Variants in FAM177A1 observed in about 807,000 individuals in gnomAD.
The protein encoded by FAM177A1 is family with sequence similarity 177 member A1.
FAM177A1 carries 22 observed loss-of-function variants against 26.1 expected under a neutral mutation model. The ratio of observed to expected loss-of-function variants is 0.84; its 90% CI spans 0.60 to 1.20. The LOEUF (loss-of-function observed/expected upper bound fraction) is 1.20, where lower values mean the gene tolerates loss of function less well. FAM177A1 is among the 50% of genes most tolerant of loss of function. FAM177A1 has a pLI of 0.00. For synonymous variants in FAM177A1, 95 were observed against 99.3 expected, an observed-to-expected ratio of 0.96 and a Z score of 0.26; for missense variants, 296 against 291.1, an observed-to-expected ratio of 1.02 and a Z score of -0.12.
Position 35,046,506 on chromosome 14 carries a change from G to T in FAM177A1, c.43G>T (p.Ala15Ser). ...LPAITLFLTS[A>S]SSPVVATTMD... ...GGCCATTACCCTCTTTCTCACCAGC[G>T]CCAGCAGCCCTGTGGTGGCGACGAC... The change falls in exon 1 of 5, where the codon GCC (alanine) becomes TCC (serine). Residue 15 changes from alanine to serine, a missense_variant. Ala to Ser is a moderately conservative substitution (Grantham distance 99). Transcript: ENST00000280987. 15 of 1,601,870 alleles carry T rather than the reference G, an allele frequency of 9.4e-6. No individual in the cohort carries two copies. Among genetic ancestry groups the T allele is most frequent in the Non-Finnish European group, 1.3e-5 (15 of 1,175,722 alleles).
chr14:35,047,238 A>T (rs1298804733), intron 1 of FAM177A1, among the ~76,000 whole-genome samples: 1 of 152,268 alleles, frequency 6.6e-6, no homozygotes, highest in South Asian at 2.1e-4. Flanking sequence ...TTTTAATAGC[A>T]TATCTTATTT....
At chr14:35,054,291 T>C (rs776055093) in intron 2 of FAM177A1, among the ~76,000 whole-genome samples, 11 of 152,230 alleles carry the variant, frequency 7.2e-5, no homozygotes, top group Admixed American at 2.6e-4. Context: ...CTGAACTTTG[T>C]GTGCCTTATC....
Position 35,075,602 on chromosome 14 carries a change from A to G in FAM177A1, c.340-1548A>G, listed in dbSNP as rs866329579. On this transcript the variant is annotated intron_variant, in intron 2 of 4. Coordinates refer to ENST00000280987, the MANE Select transcript of FAM177A1 (RefSeq NM_173607.5). Reference sequence around the variant, plus strand: ...ACAAAAGCCAAAATTGACAAATGGGATCTAATTAAACTAAAGAGCTTCTGC... The same window carrying G: ...ACAAAAGCCAAAATTGACAAATGGGGTCTAATTAAACTAAAGAGCTTCTGC... 6.7e-4 allele frequency among the ~76,000 whole-genome samples: 102 copies of G among 152,328 alleles called. 1 individual carries two copies. Among genetic ancestry groups the G allele is most frequent in the African/African-American group, 2.3e-3 (95 of 41,560 alleles).
rs533460867 is a variant in FAM177A1 at position 35,056,337 on chromosome 14, CTATTTTT to C, written c.339+2902_339+2908del. 4.1e-4 allele frequency among the ~76,000 whole-genome samples: 62 copies of C among 151,050 alleles called. 1 individual carries two copies. The South Asian group carries it at 0.011, about 27-fold the overall frequency. On this transcript the variant is annotated intron_variant, in intron 2 of 4. Transcript: ENST00000280987. The stretch of plus-strand genomic sequence containing the variant: ...GGCGTGAGCCACTGCGCCCAGGCAA[CTATTTTT>C]TATTTTTTATTTTTTTATTTTTATT...
intron 1 of FAM177A1, 50 bp downstream of exon 1, chr14:35,046,678 G>C: frequency 6.7e-7 from 1 of 1,493,354 alleles, no homozygotes; most frequent in East Asian, 2.7e-5. Context: ...CCGCCTCCTT[G>C]CCTTCTCCGC....
intron 2 of FAM177A1, among the ~76,000 whole-genome samples, chr14:35,057,673 C>T (rs1250588174): frequency 6.6e-6 from 1 of 152,132 alleles, no homozygotes; most frequent in East Asian, 1.9e-4. Flanking sequence ...AGCCACTGCG[C>T]CCAGCCTATA....
At chr14:35,077,637 C>T (rs1021876820) in intron 3 of FAM177A1, among the ~76,000 whole-genome samples, 13 of 151,808 alleles carry the variant, frequency 8.6e-5, no homozygotes, top group Non-Finnish European at 1.6e-4. Context: ...CGCCCGCCAC[C>T]GCGCCCGGCT....
At chr14:35,054,598 A>G (rs1187187924) in intron 2 of FAM177A1, 3 of 152,204 alleles carry the variant, frequency 2.0e-5, no homozygotes, top group East Asian at 3.8e-4. Flanking sequence ...AAAATTAAGC[A>G]TAGTTACAGA....
intron 2 of FAM177A1, among the ~76,000 whole-genome samples, chr14:35,074,810 G>A (rs767270408): frequency 6.6e-6 from 1 of 151,974 alleles, no homozygotes; most frequent in African/African-American, 2.4e-5. Flanking sequence ...GGGAGGCTGA[G>A]GTGGGTGGAT....
At chr14:35,058,705 T>C (rs2045101068) in intron 2 of FAM177A1, among the ~76,000 whole-genome samples, 2 of 152,054 alleles carry the variant, frequency 1.3e-5, no homozygotes, top group Non-Finnish European at 2.9e-5. Context: ...TGAGACCTTG[T>C]CTCTACAAAA....
chr14:35,048,064 C>G (rs2044902165), intron 1 of FAM177A1, among the ~76,000 whole-genome samples: 1 of 152,162 alleles, frequency 6.6e-6, no homozygotes, highest in Non-Finnish European at 1.5e-5. Context: ...ATACCAAACT[C>G]TATATGGAAT....
rs985368882 is a variant in FAM177A1, at chr14:35,083,302, G to GT, written c.*2077dup. ...ACTTGTCCAATAGTGGCTAGTTTAT[G>GT]TTTATCAATATAGTTATTCACTGTG... On this transcript the variant is annotated 3_prime_UTR_variant, in exon 5 of 5. Coordinates refer to ENST00000280987, the MANE Select transcript of FAM177A1 (RefSeq NM_173607.5). The GT allele has an allele frequency of 2.0e-5, 3 of 152,608 alleles. No homozygotes were observed. The highest frequency in any genetic ancestry group is 7.2e-5 in the African/African-American group (3 of 41,444). The allele number at this position is 152,608 out of a possible 1,614,324, so 9.5% of individuals were successfully genotyped here.
At chr14:35,053,645 G>C (rs1360104223) in intron 2 of FAM177A1, among the ~76,000 whole-genome samples, 194 bp downstream of exon 2, 6 of 152,098 alleles carry the variant, frequency 3.9e-5, no homozygotes, top group Non-Finnish European at 5.9e-5. Flanking sequence ...CATTTCAGTA[G>C]CCTGAAACAG....
At position 35,077,202 on chromosome 14, in the gene FAM177A1, C is replaced by G. The variant is rs2045409429; in HGVS notation, c.392C>G (p.Thr131Arg). 1.9e-6 allele frequency: 3 copies of G among 1,613,808 alleles called. No individual in the cohort carries two copies. Among genetic ancestry groups the G allele is most frequent in the Non-Finnish European group, 2.5e-6 (3 of 1,179,880 alleles). ...YLWFYMLRAA[T>R]STLSVCDFLG... ...TGGTTTTACATGCTTCGGGCTGCTA[C>G]ATCAACTCTCTCAGGTATTGCTTTT... Residue 131 changes from threonine (T) to arginine (R), a missense_variant, in exon 3 of 5, where the codon ACA becomes AGA. By Grantham distance (71) the Thr-to-Arg change is moderately conservative (BLOSUM62 -1). Coordinates refer to ENST00000280987, the MANE Select transcript of FAM177A1 (RefSeq NM_173607.5).
chr14:35,047,063 A>C, intron 1 of FAM177A1: 2 of 977,326 alleles, frequency 2.0e-6, no homozygotes, highest in Non-Finnish European at 2.4e-6. Flanking sequence ...AATTCACTGG[A>C]TCCTTACAGT....
chr14:35,072,736 G>GTT (rs2045341323), intron 2 of FAM177A1, among the ~76,000 whole-genome samples: 1 of 152,118 alleles, frequency 6.6e-6, no homozygotes, highest in African/African-American at 2.4e-5. Flanking sequence ...TTATCTGGCA[G>GTT]TGGTTTGGAG....
rs77245749 is a variant in FAM177A1 at position 35,064,658 on chromosome 14, A to AT, written c.339+11217dup. Among the ~76,000 whole-genome samples, 90 of 150,382 alleles carry AT rather than the reference A, an allele frequency of 6.0e-4. No homozygotes were observed. The Middle Eastern group carries it at 0.01, about 17-fold the overall frequency. ...AAAAGAGATACAATTTATTTCTCTG[A>AT]TTTTTTTTTTGAGATGGAATCTTGC... is the stretch of plus-strand genomic sequence containing the variant. On this transcript the variant is annotated intron_variant, in intron 2 of 4. Coordinates refer to ENST00000280987, the MANE Select transcript of FAM177A1 (RefSeq NM_173607.5).
chr14:35,071,230 C>T (rs576136681), intron 2 of FAM177A1, among the ~76,000 whole-genome samples: 1 of 152,148 alleles, frequency 6.6e-6, no homozygotes, highest in South Asian at 2.1e-4. Context: ...ATCTCTTGAC[C>T]TCGTGATCCA....
At chr14:35,048,615 A>G (rs1373342404) in intron 1 of FAM177A1, among the ~76,000 whole-genome samples, 5 of 151,106 alleles carry the variant, frequency 3.3e-5, no homozygotes, top group Non-Finnish European at 5.9e-5. Context: ...TTAAACACCA[A>G]TGAGTTCCAT....
Sources: gnomAD v4.1 joint callset for allele counts (sites outside exome capture counted in the v4.1 genomes callset) on GRCh38, gnomAD v4.1.1 for gene constraint, MANE v1.5 for transcripts, NCBI Gene and HGNC (gene_info 2026-07-23, HGNC 2026-07-21) for gene names.